Variants in ZIM2 observed in about 807,000 individuals in gnomAD.
The protein encoded by ZIM2 is zinc finger protein 656.
In ZIM2, 14 loss-of-function variants were observed where a neutral mutation model predicts 38.6. The ratio of observed to expected loss-of-function variants is 0.36; its 90% CI spans 0.24 to 0.57. The LOEUF is 0.57. Among genes scored for constraint, ZIM2 ranks in the 20% least tolerant of loss-of-function variants. ZIM2 has a pLI of 0.81. For synonymous variants in ZIM2, 247 were observed against 245.8 expected, an observed-to-expected ratio of 1.00 and a Z score of -0.04; for missense variants, 680 against 695.1, an observed-to-expected ratio of 0.98 and a Z score of 0.24.
rs56289231 is a variant in ZIM2, at chr19:56,787,710, GTTT to G, written c.570+2159_570+2161del. ...CGGCTGTCAATCTGTCTGGTCCTGG[GTTT>G]TTTTTTTTTTTTTTTTGGTTGGTAG... On this transcript the variant is annotated intron_variant, in intron 10 of 12. Coordinates refer to ENST00000629319, the MANE Select transcript of ZIM2 (RefSeq NM_001387356.1). 6.4e-3 allele frequency among the ~76,000 whole-genome samples: 677 copies of G among 105,802 alleles called. 14 individuals are homozygous for G. The highest frequency in any genetic ancestry group is 0.022 in the African/African-American group (631 of 28,320). The allele number at this position is 105,802 out of a possible 152,430, so 69.4% of individuals were successfully genotyped here.
intron 9 of ZIM2, among the ~76,000 whole-genome samples, chr19:56,799,953 A>T (rs952183322): frequency 6.6e-6 from 1 of 152,238 alleles, no homozygotes; most frequent in Non-Finnish European, 1.5e-5. Context: ...ATGCTGTGTC[A>T]TTCCATTCAT....
chr19:56,821,576 C>T (rs1401381099), intron 7 of ZIM2, 75 bp downstream of exon 7: 2 of 1,571,520 alleles, frequency 1.3e-6, no homozygotes, highest in Non-Finnish European at 1.7e-6. Context: ...ATAAACACAC[C>T]ATCTGGGGAA....
intron 7 of ZIM2, 79 bp from the exon 8 acceptor site, chr19:56,818,781 G>A: frequency 2.0e-6 from 3 of 1,500,462 alleles, no homozygotes; most frequent in Non-Finnish European, 2.8e-6. Flanking sequence ...GGCAACATGG[G>A]AGTTACATAT....
intron 12 of ZIM2, among the ~76,000 whole-genome samples, chr19:56,778,138 A>G (rs971060681): frequency 9.2e-5 from 14 of 152,090 alleles, no homozygotes; most frequent in African/African-American, 2.4e-4. Context: ...TTATTTGTCT[A>G]TTTTTTAAAA....
rs2146641271 is a variant in ZIM2, at chr19:56,836,113, G to A, written c.-313-9C>T. 1 of 468,678 alleles carries A rather than the reference G, an allele frequency of 2.1e-6. No individual in the cohort carries two copies. The highest frequency in any genetic ancestry group is 4.3e-6 in the Non-Finnish European group (1 of 233,240). The allele number at this position is 468,678 out of a possible 1,614,324, so 29.0% of individuals were successfully genotyped here. On this transcript the variant is annotated splice_polypyrimidine_tract_variant and intron_variant, in intron 1 of 12. Coordinates refer to ENST00000629319, the MANE Select transcript of ZIM2 (RefSeq NM_001387356.1). ...AGATCAAGAAGGCAAAGCTGTAGAG[G>A]AAAAGAAAATGTGAGACGCCAAGTT... is the stretch of plus-strand genomic sequence containing the variant.
chr19:56,788,081 GTTTT>G (rs1250072054), intron 10 of ZIM2, among the ~76,000 whole-genome samples: 2 of 142,192 alleles, frequency 1.4e-5, no homozygotes, highest in Non-Finnish European at 3.1e-5. Flanking sequence ...TTTTTGAAGG[GTTTT>G]TTTTTTTGTC....
At chr19:56,784,057 C>T (rs111926695) in intron 10 of ZIM2, among the ~76,000 whole-genome samples, 6 of 151,582 alleles carry the variant, frequency 4.0e-5, no homozygotes, top group African/African-American at 1.4e-4. Context: ...AATGTTGTAG[C>T]AGTTAATGAT....
At chr19:56,813,957 A>G in intron 9 of ZIM2, 1 of 1,613,914 alleles carries the variant, frequency 6.2e-7, no homozygotes, top group Admixed American at 1.7e-5. Context: ...GAATCTCTTG[A>G]TCTTCACCTT....
intron 9 of ZIM2, chr19:56,812,628 G>A: frequency 1.0e-6 from 1 of 985,800 alleles, no homozygotes; most frequent in Non-Finnish European, 1.2e-6. Flanking sequence ...CAAAGGAAGT[G>A]ATGAAAGGTT....
At chr19:56,824,543 C>G (rs753346169) in intron 3 of ZIM2, 116 bp from the exon 4 acceptor site, 2 of 1,614,132 alleles carry the variant, frequency 1.2e-6, no homozygotes, top group Admixed American at 3.3e-5. Flanking sequence ...GTCAGTTGGA[C>G]CTTCTCCTAT....
intron 11 of ZIM2, 94 bp from the exon 12 acceptor site, chr19:56,779,566 G>A (rs2046215434): frequency 6.5e-6 from 8 of 1,226,776 alleles, no homozygotes; most frequent in Admixed American, 1.9e-5. Flanking sequence ...ACAAACTCTC[G>A]CAGGAGTAAA....
At chr19:56,802,431 A>G (rs1359490926) in intron 9 of ZIM2, among the ~76,000 whole-genome samples, 1 of 152,212 alleles carries the variant, frequency 6.6e-6, no homozygotes, top group African/African-American at 2.4e-5. Context: ...AAAAGCTTAG[A>G]AAACAGGGAC....
intron 7 of ZIM2, 122 bp downstream of exon 7, chr19:56,821,529 G>A (rs2060485814): frequency 2.0e-5 from 24 of 1,199,186 alleles, no homozygotes; most frequent in East Asian, 4.7e-5. Flanking sequence ...CTCCTGGAGC[G>A]CTGGGACTCT....
In ZIM2 at chr19:56,790,001, T is replaced by G. The variant is rs202011305; in HGVS notation, c.491-50A>C. ...GGAATTGAGTCCTGTCTGGTAGCAC[T>G]GACAGACACAGTGGCCAGCCACCCT... On this transcript the variant is annotated intron_variant, in intron 9 of 12. Transcript: ENST00000629319. 1.0e-5 allele frequency: 15 copies of G among 1,429,210 alleles called. No homozygotes were observed. In the African/African-American group the frequency reaches 1.5e-4, roughly 15 times the overall value. The allele number at this position is 1,429,210 out of a possible 1,614,324, so 88.5% of individuals were successfully genotyped here.
chr19:56,809,669 A>G lies in ZIM2; in HGVS notation c.490+8077T>C, dbSNP rs116214822. Among the ~76,000 whole-genome samples the G allele has an allele frequency of 7.1e-3, 1,078 of 152,174 alleles. 10 individuals carry two copies. Among genetic ancestry groups the G allele is most frequent in the African/African-American group, 0.025 (1,032 of 41,492 alleles). ...ACCCACTCAGGATAATTACCTTTTA[A>G]CCTCAGGCAAGAGTCAGGAATAAAC... is the stretch of plus-strand genomic sequence containing the variant. On this transcript the variant is annotated intron_variant, in intron 9 of 12. Coordinates refer to ENST00000629319, the MANE Select transcript of ZIM2 (RefSeq NM_001387356.1).
intron 10 of ZIM2, among the ~76,000 whole-genome samples, chr19:56,786,979 GGT>G (rs1473114811): frequency 3.9e-5 from 6 of 152,096 alleles, no homozygotes; most frequent in Non-Finnish European, 1.5e-5. Context: ...TGGGATTACA[GGT>G]GTGTGTCACC....
chr19:56,816,472 T>C (rs754125021), intron 9 of ZIM2: 8 of 1,613,478 alleles, frequency 5.0e-6, no homozygotes, highest in Non-Finnish European at 6.8e-6. Context: ...TTTACCCTTG[T>C]TTTCAAATGG....
intron 1 of ZIM2, among the ~76,000 whole-genome samples, chr19:56,840,092 G>C (rs1217146731): frequency 6.6e-6 from 1 of 152,218 alleles, no homozygotes; most frequent in Admixed American, 6.5e-5. Flanking sequence ...CCGCAGGAAG[G>C]GGCATTTTCG....
In ZIM2 at chr19:56,774,692, C is replaced by T; in HGVS notation, c.1673G>A (p.Cys558Tyr). 6.2e-7 allele frequency: 1 copy of T among 1,613,466 alleles called. No homozygotes were observed. Among genetic ancestry groups the T allele is most frequent in the Non-Finnish European group, 8.5e-7 (1 of 1,179,578 alleles). The change falls in exon 13 of 13, where the codon TGT becomes TAT. Residue 558 changes from cysteine to tyrosine, a missense_variant. Physicochemically the swap from Cys to Tyr is radical, Grantham distance 194. Coordinates refer to ENST00000629319, the MANE Select transcript of ZIM2 (RefSeq NM_001387356.1). ...TGTGCTGTGACTAAAGGTTTCTCAA[C>T]AGTGATCGCACTCAACAGTTTTCTC... is the stretch of plus-strand genomic sequence containing the variant. ...SQEKTVECDH[C>Y]
Sources: allele counts gnomAD v4.1 joint callset (sites outside exome capture counted in the v4.1 genomes callset), GRCh38; gene constraint gnomAD v4.1.1; transcripts MANE v1.5; gene names NCBI Gene and HGNC (gene_info 2026-07-23, HGNC 2026-07-21).